USP50: variants seen among roughly 807,000 people sequenced by gnomAD.
USP50 encodes the protein ubiquitin carboxyl-terminal hydrolase 50.
A neutral mutation model predicts 39.2 loss-of-function variants in USP50; 37 were observed. That is an observed-to-expected ratio of 0.94 (90% CI 0.73 to 1.24). The LOEUF is 1.24. Ranked by LOEUF, USP50 falls within the 50% of genes most tolerant of loss-of-function variation. The pLI, the probability that USP50 is intolerant of heterozygous loss-of-function variation, is 0.00. For synonymous variants in USP50, 139 were observed against 144.5 expected, an observed-to-expected ratio of 0.96 and a Z score of 0.27; for missense variants, 374 against 398.2, an observed-to-expected ratio of 0.94 and a Z score of 0.52.
chr15:50,496,931 C>A, downstream of USP50: 2 of 877,240 alleles, frequency 2.3e-6, no homozygotes, highest in Non-Finnish European at 3.4e-6. Flanking sequence ...CTTGTCTATG[C>A]TTCTCACTAG....
At position 50,544,740 on chromosome 15, in the gene USP50, T is replaced by C; in HGVS notation, c.95A>G (p.Glu32Gly). 1 of 1,614,052 alleles carries C rather than the reference T, an allele frequency of 6.2e-7. No homozygotes were observed. The highest frequency in any genetic ancestry group is 8.5e-7 in the Non-Finnish European group (1 of 1,179,912). ...TDYYDTLPVK[E>G]ADGNQPHFQG... ...AAAATGGGGCTGGTTCCCATCAGCCTCCTTAACTGGAAGGGTATCATAGTA... is the reference window on the plus strand; with the variant it reads ...AAAATGGGGCTGGTTCCCATCAGCCCCCTTAACTGGAAGGGTATCATAGTA... Residue 32 changes from glutamate to glycine, a missense_variant, in exon 2 of 7, where the codon GAG becomes GGG. Glu to Gly is a moderately conservative substitution (Grantham distance 98, BLOSUM62 -2). Coordinates refer to ENST00000532404, the MANE Select transcript of USP50 (RefSeq NM_203494.5).
intron 1 of USP50, chr15:50,494,133 G>C (rs79646551): frequency 1.2e-6 from 2 of 1,611,988 alleles, no homozygotes; most frequent in African/African-American, 1.3e-5. Context: ...TGAAAGCCCT[G>C]TGGACAGGAC....
rs1024552230 is a variant in USP50 at position 50,500,661 on chromosome 15, C to T, written c.*108G>A. 1 of 1,095,636 alleles carries T rather than the reference C, an allele frequency of 9.1e-7. No homozygotes were observed. The highest frequency in any genetic ancestry group is 1.6e-5 in the African/African-American group (1 of 63,926). 67.9% of individuals were successfully genotyped at this position (1,095,636 alleles called of 1,614,324 possible). A position where few individuals can be genotyped will look rare whatever the true frequency, so the allele number is the denominator to read the frequency against. On this transcript the variant is annotated 3_prime_UTR_variant, in exon 7 of 7. Coordinates refer to ENST00000532404, the MANE Select transcript of USP50 (RefSeq NM_203494.5). ...AACACCATTTTCCTGGCTCTTAACG[C>T]TTTTGTATTGGTATGGAAAAGGGCT...
In USP50 at chr15:50,541,051, G is replaced by A. The variant is rs757821322; in HGVS notation, c.658C>T (p.Arg220Trp). The A allele has an allele frequency of 9.3e-6, 15 of 1,612,420 alleles. No homozygotes were observed. Among genetic ancestry groups the A allele is most frequent in the Middle Eastern group, 1.6e-4 (1 of 6,082 alleles). Residue 220 changes from arginine (R) to tryptophan (W), a missense_variant and splice_region_variant, in exon 4 of 7, where the codon CGG becomes TGG. Physicochemically the swap from Arg to Trp is moderately radical, Grantham distance 101. Coordinates refer to ENST00000532404, the MANE Select transcript of USP50 (RefSeq NM_203494.5). Reference sequence around the variant, plus strand: ...GTCCAGGAATACTGCATTCCTACCCGAAGGGAGCATTCATATTTGGATGGA... The same window carrying A: ...GTCCAGGAATACTGCATTCCTACCCAAAGGGAGCATTCATATTTGGATGGA... ...PIPSKYECSL[R>W]DCLQCFFQQD...
chr15:50,532,033 G>A (rs974175589), intron 5 of USP50: 20 of 433,410 alleles, frequency 4.6e-5, no homozygotes, highest in African/African-American at 3.7e-4. Flanking sequence ...CTGCCGAGCA[G>A]AAACCTCTGA....
chr15:50,524,295 T>C (rs2052871872), intron 6 of USP50, among the ~76,000 whole-genome samples: 1 of 152,208 alleles, frequency 6.6e-6, no homozygotes, highest in Non-Finnish European at 1.5e-5. Flanking sequence ...ATGTAAAAGC[T>C]TCTGCACAGC....
intron 5 of USP50, among the ~76,000 whole-genome samples, chr15:50,534,366 G>A (rs1263553218): frequency 6.6e-6 from 1 of 152,122 alleles, no homozygotes; most frequent in South Asian, 2.1e-4. Flanking sequence ...AACTGATGTG[G>A]TAATAAAGGA....
intron 6 of USP50, among the ~76,000 whole-genome samples, chr15:50,526,233 AT>A (rs1473552625): frequency 2.6e-5 from 4 of 151,924 alleles, no homozygotes; most frequent in African/African-American, 9.7e-5. Context: ...TAACTTCTGT[AT>A]TTTTTTGTAG....
intron 6 of USP50, chr15:50,507,694 A>T (rs1371556570): frequency 2.6e-5 from 4 of 152,210 alleles, no homozygotes; most frequent in Non-Finnish European, 5.9e-5. Context: ...CAAAAATATT[A>T]GTATAGATAC....
intron 4 of USP50, among the ~76,000 whole-genome samples, chr15:50,540,583 A>T (rs1441752323): frequency 1.3e-5 from 2 of 151,118 alleles, no homozygotes; most frequent in Admixed American, 1.3e-4. Flanking sequence ...ATGTCCCTAT[A>T]AAAAAAAATA....
At position 50,525,801 on chromosome 15, in the gene USP50, AAAT is replaced by A. The variant is rs898608207; in HGVS notation, c.936+3993_936+3995del. On this transcript the variant is annotated intron_variant, in intron 6 of 6. Coordinates refer to ENST00000532404, the MANE Select transcript of USP50 (RefSeq NM_203494.5). ...TATAAAATTTTGATTTATCAATTAA[AAAT>A]AATATTAATGAGTTTAAAAGCTAAT... Among the ~76,000 whole-genome samples the A allele has an allele frequency of 1.6e-4, 15 of 95,564 alleles. 1 individual carries two copies. Among genetic ancestry groups the A allele is most frequent in the African/African-American group, 4.1e-5 (1 of 24,112 alleles). The allele number at this position is 95,564 out of a possible 152,430, so 62.7% of individuals were successfully genotyped here.
chr15:50,506,783 CCT>C (rs927522449), intron 6 of USP50: 10 of 151,348 alleles, frequency 6.6e-5, no homozygotes, highest in African/African-American at 2.4e-4. Context: ...CACGGTGAAA[CCT>C]CATCTCTACA....
At chr15:50,497,329 A>C (rs2052455170), downstream of USP50, 2 of 1,400,984 alleles carry the variant, frequency 1.4e-6, no homozygotes, top group Non-Finnish European at 9.5e-7. Context: ...CCATGGGCAC[A>C]TAACAAAGGG....
intron 3 of USP50, 105 bp downstream of exon 3, chr15:50,543,493 G>A: frequency 8.7e-7 from 1 of 1,149,590 alleles, no homozygotes; most frequent in Non-Finnish European, 1.3e-6. Context: ...CACAGTGCTT[G>A]GCACAAAGTA....
At chr15:50,501,755 G>C (rs997423047) in intron 6 of USP50, 1 of 152,094 alleles carries the variant, frequency 6.6e-6, no homozygotes, top group South Asian at 2.1e-4. Flanking sequence ...GTATGATAAG[G>C]GTCAGCAAAC....
rs750246816 is a variant in USP50, at chr15:50,500,876, T to G, written c.937-39A>C. ...GAATGTCAAACTTAGTATTCACATA[T>G]GAACACTAACTACTGGAACAGAAAT... On this transcript the variant is annotated intron_variant, in intron 6 of 6. Coordinates refer to ENST00000532404, the MANE Select transcript of USP50 (RefSeq NM_203494.5). 5.4e-6 allele frequency: 8 copies of G among 1,486,034 alleles called. No individual in the cohort carries two copies. The Middle Eastern group carries it at 1.0e-3, about 190-fold the overall frequency. 92.1% of individuals were successfully genotyped at this position (1,486,034 alleles called of 1,614,324 possible).
chr15:50,538,804 G>A lies in USP50; in HGVS notation c.708C>T (p.Asn236=), dbSNP rs200754475. 2.4e-5 allele frequency: 38 copies of A among 1,613,436 alleles called. No individual in the cohort carries two copies. Among genetic ancestry groups the A allele is most frequent in the South Asian group, 1.5e-4 (14 of 90,980 alleles). The change falls in exon 5 of 7, where the codon AAC becomes AAT. Residue 236 remains asparagine, a synonymous_variant. Transcript: ENST00000532404. The part of the protein sequence containing the change: ...FFQQDALTWN[N]EIHCSFCETK... The stretch of plus-strand genomic sequence containing the variant: ...TTTCACAAAAGGAGCAGTGAATTTC[G>A]TTGTTCCAGGTCAGTGCGTCTTGTT...
chr15:50,498,577 G>A (rs913387875), downstream of USP50: 1 of 1,593,192 alleles, frequency 6.3e-7, no homozygotes, highest in Non-Finnish European at 8.5e-7. Flanking sequence ...CAGTGTAATT[G>A]TAATGTTTTG....
chr15:50,523,385 CTG>C (rs2052866412), intron 6 of USP50, among the ~76,000 whole-genome samples: 1 of 151,554 alleles, frequency 6.6e-6, no homozygotes, highest in African/African-American at 2.4e-5. Context: ...GTTGTCCGGG[CTG>C]GTCTTGAACT....
Sources: allele counts gnomAD v4.1 joint callset (sites outside exome capture counted in the v4.1 genomes callset), GRCh38; gene constraint gnomAD v4.1.1; transcripts MANE v1.5; gene names NCBI Gene and HGNC (gene_info 2026-07-23, HGNC 2026-07-21).